Variants in RBFOX1 observed in about 807,000 individuals in gnomAD.
RBFOX1 encodes RNA binding protein fox-1 homolog 1.
RBFOX1 carries 8 observed loss-of-function variants against 57.7 expected under a neutral mutation model. The observed-to-expected ratio is 0.14, with a 90% confidence interval of 0.08 to 0.25. RBFOX1 has a LOEUF of 0.25. RBFOX1 is among the 10% of genes least tolerant of loss of function. The pLI is 1.00. For synonymous variants in RBFOX1, 326 were observed against 222.4 expected, an observed-to-expected ratio of 1.47 and a Z score of -4.15; for missense variants, 611 against 548.5, an observed-to-expected ratio of 1.11 and a Z score of -1.14.
chr16:7,410,067 G>A (rs1434650254), intron 4 of RBFOX1, among the ~76,000 whole-genome samples: 1 of 151,964 alleles, frequency 6.6e-6, no homozygotes. Context: ...AGTCTTCAGT[G>A]ATGATGATGA....
At chr16:6,249,779 T>C (rs2097593113) in intron 1 of RBFOX1, among the ~76,000 whole-genome samples, 1 of 151,148 alleles carries the variant, frequency 6.6e-6, no homozygotes, top group Non-Finnish European at 1.5e-5. Flanking sequence ...TTTCTTTTTT[T>C]TTTTTTTTAT....
At chr16:7,238,690 G>C (rs1266997564) in intron 4 of RBFOX1, among the ~76,000 whole-genome samples, 1 of 152,062 alleles carries the variant, frequency 6.6e-6, no homozygotes, top group Non-Finnish European at 1.5e-5. Flanking sequence ...TTGTTACATA[G>C]GTAAACTTGT....
At chr16:6,699,330 G>T (rs117796331) in intron 3 of RBFOX1, among the ~76,000 whole-genome samples, 2 of 149,988 alleles carry the variant, frequency 1.3e-5, no homozygotes, top group African/African-American at 2.5e-5. Flanking sequence ...TGACTTTCAG[G>T]ATCAGTGACT....
rs2094593797 is a variant in RBFOX1 at position 6,450,825 on chromosome 16, ATATATATATATGTG to A, written c.-64+133780_-64+133793del. Among the ~76,000 whole-genome samples the A allele has an allele frequency of 4.1e-4, 6 of 14,576 alleles. 1 individual carries two copies. The highest frequency in any genetic ancestry group is 0.01 in the East Asian group (1 of 100). The allele number at this position is 14,576 out of a possible 152,430, so 9.6% of individuals were successfully genotyped here. ...TGTATATATATATATATACATATAT[ATATATATATATGTG>A]TATATATATATATATATATATATAT... On this transcript the variant is annotated intron_variant, in intron 2 of 15. Coordinates refer to ENST00000550418, the MANE Select transcript of RBFOX1 (RefSeq NM_018723.4).
chr16:6,756,908 G>A (rs913166649), intron 3 of RBFOX1, among the ~76,000 whole-genome samples: 2 of 152,086 alleles, frequency 1.3e-5, no homozygotes, highest in African/African-American at 4.8e-5. Flanking sequence ...CGAGGGGATG[G>A]AGGTTGCAGT....
intron 3 of RBFOX1, among the ~76,000 whole-genome samples, chr16:6,716,757 G>A (rs1397442861): frequency 6.6e-6 from 1 of 152,114 alleles, no homozygotes; most frequent in Non-Finnish European, 1.5e-5. Context: ...ACTTGTGTTG[G>A]GAAGGGATTT....
intron 3 of RBFOX1, among the ~76,000 whole-genome samples, chr16:5,701,155 G>A (rs2051033371): frequency 6.6e-6 from 1 of 152,104 alleles, no homozygotes; most frequent in African/African-American, 2.4e-5. Context: ...TCAATCTTAA[G>A]TCTGTGTGAT....
chr16:6,744,775 G>A (rs1317369388), intron 3 of RBFOX1, among the ~76,000 whole-genome samples: 1 of 151,958 alleles, frequency 6.6e-6, no homozygotes, highest in Non-Finnish European at 1.5e-5. Context: ...TTTATCTTCT[G>A]CCTTAGAAAA....
chr16:7,168,702 T>A (rs1448286054), intron 4 of RBFOX1, among the ~76,000 whole-genome samples: 5 of 152,188 alleles, frequency 3.3e-5, no homozygotes, highest in African/African-American at 1.2e-4. Context: ...TTACAAATTT[T>A]CTTCCTAGAT....
intron 14 of RBFOX1, among the ~76,000 whole-genome samples, chr16:7,695,182 T>C (rs2078402995): frequency 6.6e-6 from 1 of 152,168 alleles, no homozygotes; most frequent in Admixed American, 6.5e-5. Flanking sequence ...GCCATTTTAA[T>C]ATTATGTTGC....
chr16:5,753,907 G>A (rs1271289791), intron 3 of RBFOX1, among the ~76,000 whole-genome samples: 1 of 151,746 alleles, frequency 6.6e-6, no homozygotes, highest in Non-Finnish European at 1.5e-5. Flanking sequence ...GAAAAGCAGG[G>A]ACAATACAGG....
intron 3 of RBFOX1, among the ~76,000 whole-genome samples, chr16:6,896,933 A>G (rs2067077388): frequency 6.6e-6 from 1 of 152,160 alleles, no homozygotes; most frequent in Non-Finnish European, 1.5e-5. Flanking sequence ...AAGAAAGCAA[A>G]GAAACTCTGC....
At chr16:6,872,961 C>G (rs946680417) in intron 3 of RBFOX1, among the ~76,000 whole-genome samples, 6 of 152,084 alleles carry the variant, frequency 3.9e-5, no homozygotes, top group African/African-American at 1.4e-4. Context: ...CCGGCCGCAG[C>G]TGGTCTTGAG....
Position 7,394,235 on chromosome 16 carries a change from CAAAAAAAAAAAAA to C in RBFOX1, c.28-123895_28-123883del, listed in dbSNP as rs59934126. On this transcript the variant is annotated intron_variant, in intron 4 of 15. Coordinates refer to ENST00000550418, the MANE Select transcript of RBFOX1 (RefSeq NM_018723.4). Reference sequence around the variant, plus strand: ...TGGGCAACAGAGCAAGACTCCGCATCAAAAAAAAAAAAAAAAAAAAAAAAAAAAAGAGAGAAAG... The same window carrying C: ...TGGGCAACAGAGCAAGACTCCGCATCAAAAAAAAAAAAAAAAGAGAGAAAG... Among the ~76,000 whole-genome samples the C allele has an allele frequency of 4.1e-3, 224 of 55,074 alleles. 3 individuals carry two copies. Among genetic ancestry groups the C allele is most frequent in the South Asian group, 0.028 (31 of 1,100 alleles). 36.1% of individuals were successfully genotyped at this position (55,074 alleles called of 152,430 possible). A position where few individuals can be genotyped will look rare whatever the true frequency, so the allele number is the denominator to read the frequency against.
intron 11 of RBFOX1, among the ~76,000 whole-genome samples, chr16:7,642,813 G>T (rs891087617): frequency 6.6e-6 from 1 of 152,072 alleles, no homozygotes; most frequent in African/African-American, 2.4e-5. Context: ...TCAGGGCTTT[G>T]TCTTCTCCTT....
chr16:6,205,735 G>A (rs763794222), intron 1 of RBFOX1, among the ~76,000 whole-genome samples: 7 of 151,840 alleles, frequency 4.6e-5, no homozygotes, highest in African/African-American at 1.7e-4. Flanking sequence ...ATGGAAAGTG[G>A]TGTGTTTGGT....
chr16:5,647,001 G>C (rs954964113), intron 3 of RBFOX1, among the ~76,000 whole-genome samples: 1 of 152,144 alleles, frequency 6.6e-6, no homozygotes, highest in African/African-American at 2.4e-5. Context: ...CTGCGATGGA[G>C]GCTTCTAGGG....
chr16:5,364,584 T>C (rs2065653168), intron 1 of RBFOX1, among the ~76,000 whole-genome samples: 1 of 152,250 alleles, frequency 6.6e-6, no homozygotes, highest in African/African-American at 2.4e-5. Context: ...CTCCATTCTC[T>C]ATCTAAAAAT....
At chr16:6,110,726 G>T (rs1275971474) in intron 1 of RBFOX1, among the ~76,000 whole-genome samples, 1 of 152,102 alleles carries the variant, frequency 6.6e-6, no homozygotes, top group Non-Finnish European at 1.5e-5. Context: ...GGTTCTCAAT[G>T]GGGGACAGTT....
Sources: allele counts gnomAD v4.1 joint callset (sites outside exome capture counted in the v4.1 genomes callset), GRCh38; gene constraint gnomAD v4.1.1; transcripts MANE v1.5; gene names NCBI Gene and HGNC (gene_info 2026-07-23, HGNC 2026-07-21).